The following HIKESHI variants were observed in gnomAD, a reference collection of about 807,000 sequenced individuals.
HIKESHI encodes protein Hikeshi.
A neutral mutation model predicts 25.7 loss-of-function variants in HIKESHI; 13 were observed. The ratio of observed to expected loss-of-function variants is 0.51; its 90% CI spans 0.33 to 0.80. The LOEUF (loss-of-function observed/expected upper bound fraction) is 0.80. HIKESHI is among the 30% of genes least tolerant of loss of function. HIKESHI has a pLI of 0.02. For synonymous variants in HIKESHI, 76 were observed against 78.7 expected (o/e 0.97, Z 0.18); for missense variants, 174 against 229.5 (o/e 0.76, Z 1.56).
At chr11:86,325,677 G>A (rs1004231766) in intron 2 of HIKESHI, among the ~76,000 whole-genome samples, 2 of 151,836 alleles carry the variant, frequency 1.3e-5, no homozygotes, top group African/African-American at 4.8e-5. Context: ...TTCGAGACCA[G>A]CCTGGCCAAT....
chr11:86,304,134 AC>A (rs1946560916), intron 1 of HIKESHI, among the ~76,000 whole-genome samples: 5 of 152,144 alleles, frequency 3.3e-5, no homozygotes, highest in African/African-American at 9.7e-5. Context: ...TCAGAATTTG[AC>A]TTTAGGAACA....
At chr11:86,329,110 C>A (rs114969381) in intron 2 of HIKESHI, among the ~76,000 whole-genome samples, 1 of 151,220 alleles carries the variant, frequency 6.6e-6, no homozygotes, top group South Asian at 2.1e-4. Flanking sequence ...TAAACAGATA[C>A]ATTCTTATGT....
intron 2 of HIKESHI, among the ~76,000 whole-genome samples, chr11:86,320,531 G>A (rs554187646): frequency 4.6e-5 from 7 of 152,328 alleles, no homozygotes; most frequent in East Asian, 1.9e-4. Context: ...AGCCAAGATC[G>A]TGCCATTGCA....
rs890790045 is a variant in HIKESHI, at chr11:86,344,251, CT to C, written c.421-343del. ...AAATATTTTGAAGAAAAATTTTTTTCTTTTTTTTTCCCCAAAGTGAGTAGCA... is the reference window on the plus strand; with the variant it reads ...AAATATTTTGAAGAAAAATTTTTTTCTTTTTTTTCCCCAAAGTGAGTAGCA... On this transcript the variant is annotated intron_variant, in intron 3 of 4. Transcript: ENST00000278483. 4.0e-4 allele frequency: 70 copies of C among 173,392 alleles called. 1 individual carries two copies. Among genetic ancestry groups the C allele is most frequent in the African/African-American group, 9.7e-4 (41 of 42,382 alleles). The allele number at this position is 173,392 out of a possible 1,614,324, so 10.7% of individuals were successfully genotyped here. A position where few individuals can be genotyped will look rare whatever the true frequency, so the allele number is the denominator to read the frequency against.
At chr11:86,327,258 A>G (rs1236685082) in intron 2 of HIKESHI, among the ~76,000 whole-genome samples, 2 of 152,074 alleles carry the variant, frequency 1.3e-5, no homozygotes, top group Admixed American at 1.3e-4. Context: ...TATGTATTAT[A>G]TATTTATCTT....
intron 3 of HIKESHI, among the ~76,000 whole-genome samples, chr11:86,338,269 A>G (rs1346784268): frequency 6.6e-6 from 1 of 152,200 alleles, no homozygotes; most frequent in Non-Finnish European, 1.5e-5. Context: ...AGTGAGATCA[A>G]TCATGCTATT....
intron 2 of HIKESHI, among the ~76,000 whole-genome samples, chr11:86,331,066 TTTTG>T (rs1373753120): frequency 2.0e-5 from 3 of 152,200 alleles, no homozygotes; most frequent in Non-Finnish European, 4.4e-5. Flanking sequence ...GCAAGTTTTT[TTTTG>T]TTTTTCTTTT....
chr11:86,312,586 T>C (rs11234607), intron 2 of HIKESHI, among the ~76,000 whole-genome samples: 19,532 of 152,230 alleles, frequency 0.13, 1,557 homozygotes, highest in East Asian at 0.37. Context: ...TGTGTGTGAA[T>C]TTGATCCTGT....
intron 2 of HIKESHI, among the ~76,000 whole-genome samples, chr11:86,321,076 A>G (rs1052107590): frequency 2.0e-5 from 3 of 151,968 alleles, no homozygotes; most frequent in African/African-American, 7.3e-5. Flanking sequence ...CTGGGATTAT[A>G]GGCGTGCACC....
intron 3 of HIKESHI, among the ~76,000 whole-genome samples, chr11:86,340,602 T>TG (rs1947698330): frequency 1.3e-5 from 2 of 150,914 alleles, no homozygotes; most frequent in South Asian, 4.2e-4. Flanking sequence ...TGGGGTTGTT[T>TG]TTTTCTTGCA....
intron 2 of HIKESHI, among the ~76,000 whole-genome samples, chr11:86,327,514 CCTT>C (rs896420414): frequency 1.2e-4 from 18 of 152,084 alleles, no homozygotes; most frequent in African/African-American, 4.3e-4. Context: ...CGGGGTTTCG[CCTT>C]CTTAGCCAGG....
intron 2 of HIKESHI, among the ~76,000 whole-genome samples, chr11:86,317,083 C>T (rs903873284): frequency 1.4e-4 from 21 of 152,092 alleles, no homozygotes; most frequent in African/African-American, 4.6e-4. Context: ...TGAGCCACCA[C>T]GCCCGGCTGT....
intron 2 of HIKESHI, among the ~76,000 whole-genome samples, chr11:86,308,585 A>ATTTATTTATTTATTT (rs1555183549): frequency 3.5e-5 from 1 of 28,404 alleles, no homozygotes; most frequent in South Asian, 1.7e-3. Context: ...ATTTATCTAT[A>ATTTATTTATTTATTT]ATGCTTTAAC....
intron 3 of HIKESHI, among the ~76,000 whole-genome samples, chr11:86,338,549 T>C (rs751490509): frequency 1.2e-4 from 19 of 152,028 alleles, no homozygotes; most frequent in Non-Finnish European, 2.5e-4. Flanking sequence ...GTAGTAGAAA[T>C]TGAAATAAAA....
chr11:86,334,007 T>TA (rs1947483958), intron 2 of HIKESHI, among the ~76,000 whole-genome samples: 1 of 152,198 alleles, frequency 6.6e-6, no homozygotes, highest in Non-Finnish European at 1.5e-5. Flanking sequence ...ATATCTGACT[T>TA]ATGAAATTTA....
At chr11:86,309,910 A>G (rs1210824996) in intron 2 of HIKESHI, among the ~76,000 whole-genome samples, 3 of 152,042 alleles carry the variant, frequency 2.0e-5, no homozygotes, top group East Asian at 3.9e-4. Context: ...CGAGGGCTCT[A>G]TTCTGTTCCA....
intron 2 of HIKESHI, 135 bp downstream of exon 2, chr11:86,306,617 A>G (rs1176033057): frequency 1.7e-6 from 1 of 582,856 alleles, no homozygotes; most frequent in Admixed American, 3.3e-5. Context: ...TTGTTTTTTA[A>G]AAAAGACAAT....
chr11:86,341,488 CTT>C (rs112151717), intron 3 of HIKESHI, among the ~76,000 whole-genome samples: 1 of 142,806 alleles, frequency 7.0e-6, no homozygotes, highest in Non-Finnish European at 1.5e-5. Context: ...TGGAATTCTC[CTT>C]TTTTTTTTTT....
intron 3 of HIKESHI, among the ~76,000 whole-genome samples, chr11:86,341,488 C>CTTTTTT (rs112151717): frequency 7.0e-5 from 10 of 142,810 alleles, no homozygotes; most frequent in Non-Finnish European, 1.1e-4. Flanking sequence ...TGGAATTCTC[C>CTTTTTT]TTTTTTTTTT....
Sources: gnomAD v4.1 joint callset for allele counts (sites outside exome capture counted in the v4.1 genomes callset) on GRCh38, gnomAD v4.1.1 for gene constraint, MANE v1.5 for transcripts, NCBI Gene and HGNC (gene_info 2026-07-23, HGNC 2026-07-21) for gene names.